PRELID2: variants seen among roughly 807,000 people sequenced by gnomAD.
PRELID2 encodes PRELI domain-containing protein 2.
Under a neutral mutation model 28.4 loss-of-function variants are expected in PRELID2, and 25 were observed. The observed-to-expected ratio is 0.88, with a 90% CI of 0.64 to 1.23. PRELID2 has a LOEUF of 1.23. Among genes scored for constraint, PRELID2 ranks in the 50% most tolerant of loss-of-function variants. The pLI is 0.00. For synonymous variants in PRELID2, 76 were observed against 71.6 expected, an observed-to-expected ratio of 1.06 and a Z score of -0.31; for missense variants, 201 against 214.4, an observed-to-expected ratio of 0.94 and a Z score of 0.39.
At chr5:145,828,357 T>C (rs1264044917) in intron 1 of PRELID2, among the ~76,000 whole-genome samples, 1 of 152,228 alleles carries the variant, frequency 6.6e-6, no homozygotes, top group Non-Finnish European at 1.5e-5. Flanking sequence ...TTTCAAGATT[T>C]TGGTTTTTAT....
intron 2 of PRELID2, among the ~76,000 whole-genome samples, chr5:145,821,231 A>AAGTCCTCTTCTGTGTGTGTG (rs1754794172): frequency 2.9e-5 from 1 of 34,278 alleles, no homozygotes; most frequent in African/African-American, 9.1e-5. Flanking sequence ...GTGTGTGTGT[A>AAGTCCTCTTCTGTGTGTGTG]TGTGTGTGTA....
chr5:145,417,745 C>A, the PRELID2 span, among the ~76,000 whole-genome samples: 6 of 152,066 alleles, frequency 3.9e-5, no homozygotes, highest in Non-Finnish European at 8.8e-5. Context: ...AGGGACATAT[C>A]TCAAAATAAT....
chr5:145,293,097 A>G, the PRELID2 span, among the ~76,000 whole-genome samples: 2 of 152,152 alleles, frequency 1.3e-5, no homozygotes, highest in African/African-American at 2.4e-5. Context: ...CCCATTGACT[A>G]TAACTGAGTA....
At chr5:145,251,651 A>G in the PRELID2 span, among the ~76,000 whole-genome samples, 4 of 152,004 alleles carry the variant, frequency 2.6e-5, no homozygotes, top group Admixed American at 2.6e-4. Context: ...AGCCCTGGAT[A>G]CCCTCGACAA....
intron 1 of PRELID2, among the ~76,000 whole-genome samples, chr5:145,552,518 T>C (rs1752844358): frequency 6.6e-6 from 1 of 152,024 alleles, no homozygotes; most frequent in African/African-American, 2.4e-5. Context: ...CCGCCTCACC[T>C]TCCACCCCAA....
chr5:145,285,684 T>C, the PRELID2 span, among the ~76,000 whole-genome samples: 1 of 152,174 alleles, frequency 6.6e-6, no homozygotes, highest in Non-Finnish European at 1.5e-5. Flanking sequence ...CATTAATCTC[T>C]GCACAATTAG....
intron 1 of PRELID2, among the ~76,000 whole-genome samples, chr5:145,574,648 C>T (rs1429771312): frequency 6.6e-6 from 1 of 152,158 alleles, no homozygotes; most frequent in Non-Finnish European, 1.5e-5. Context: ...GCACTCTTCA[C>T]CTAGTGCCAT....
chr5:145,289,748 T>C, the PRELID2 span, among the ~76,000 whole-genome samples: 88 of 152,198 alleles, frequency 5.8e-4, no homozygotes, highest in Non-Finnish European at 1.1e-3. Context: ...GTTCCACATC[T>C]TCACCAGAAA....
Position 145,705,351 on chromosome 5 carries a change from C to A in PRELID2, n.70+59580G>T, listed in dbSNP as rs149661948. Among the ~76,000 whole-genome samples, 1,143 of 151,432 alleles carry A rather than the reference C, an allele frequency of 7.5e-3. 22 individuals carry two copies. Among genetic ancestry groups the A allele is most frequent in the African/African-American group, 0.026 (1,076 of 40,924 alleles). On this transcript the variant is annotated intron_variant and non_coding_transcript_variant, in intron 1 of 2. Transcript: ENST00000510259. ...GATTACAGGCACCTGCTACTATGCC[C>A]AGCTAATTTTTGTGGGTTTTTTTTG...
chr5:145,265,642 C>G, the PRELID2 span, among the ~76,000 whole-genome samples: 2 of 151,976 alleles, frequency 1.3e-5, no homozygotes, highest in African/African-American at 2.4e-5. Context: ...TGAAACAGAA[C>G]AGAGAACCCA....
At chr5:145,810,182 A>G (rs1036394962) in intron 4 of PRELID2, among the ~76,000 whole-genome samples, 1 of 152,214 alleles carries the variant, frequency 6.6e-6, no homozygotes, top group African/African-American at 2.4e-5. Flanking sequence ...ATAATAAAGC[A>G]TATTCCCACA....
intron 5 of PRELID2, among the ~76,000 whole-genome samples, chr5:145,792,740 T>C (rs753042569): frequency 6.6e-6 from 1 of 152,122 alleles, no homozygotes; most frequent in African/African-American, 2.4e-5. Context: ...AAAAAACATA[T>C]AACCATAAAA....
the PRELID2 span, among the ~76,000 whole-genome samples, chr5:145,396,652 G>A: frequency 1.3e-5 from 2 of 152,030 alleles, no homozygotes; most frequent in Non-Finnish European, 2.9e-5. Context: ...TAAAAAGCTA[G>A]GGACTTCTTT....
the PRELID2 span, among the ~76,000 whole-genome samples, chr5:145,291,365 G>C: frequency 3.5e-5 from 5 of 143,242 alleles, no homozygotes; most frequent in Non-Finnish European, 7.4e-5. Context: ...AAAAAAAGGA[G>C]AGGGGTATTT....
chr5:145,379,855 A>T, the PRELID2 span, among the ~76,000 whole-genome samples: 1 of 152,046 alleles, frequency 6.6e-6, no homozygotes, highest in Non-Finnish European at 1.5e-5. Context: ...AGCACTCAAG[A>T]CTGCCCTTCA....
intron 1 of PRELID2, among the ~76,000 whole-genome samples, chr5:145,659,005 C>T (rs1754442566): frequency 6.6e-6 from 1 of 152,124 alleles, no homozygotes; most frequent in Non-Finnish European, 1.5e-5. Flanking sequence ...TGCATGAGAA[C>T]TCAAGGCAGA....
At chr5:145,498,777 C>T (rs1308369746) in intron 1 of PRELID2, among the ~76,000 whole-genome samples, 2 of 151,684 alleles carry the variant, frequency 1.3e-5, no homozygotes, top group Non-Finnish European at 2.9e-5. Flanking sequence ...AACTCCTGAC[C>T]TCAAGTGATC....
intron 1 of PRELID2, among the ~76,000 whole-genome samples, chr5:145,631,295 C>G (rs976947848): frequency 6.6e-6 from 1 of 152,182 alleles, no homozygotes; most frequent in African/African-American, 2.4e-5. Context: ...TGGCAAGTCA[C>G]TGCTTCAGAA....
intron 1 of PRELID2, among the ~76,000 whole-genome samples, chr5:145,640,287 C>A (rs1178537468): frequency 6.6e-6 from 1 of 151,620 alleles, no homozygotes; most frequent in Non-Finnish European, 1.5e-5. Flanking sequence ...GAGATCGAGA[C>A]CACGGTGAAA....
Sources: gnomAD v4.1 joint callset for allele counts (sites outside exome capture counted in the v4.1 genomes callset) on GRCh38, gnomAD v4.1.1 for gene constraint, MANE v1.5 for transcripts, NCBI Gene and HGNC (gene_info 2026-07-23, HGNC 2026-07-21) for gene names.